Variants in ACBD5 observed in about 807,000 individuals in gnomAD.
ACBD5 encodes the protein acyl-CoA-binding domain-containing protein 5.
Under a neutral mutation model 71.8 loss-of-function variants are expected in ACBD5, and 40 were observed. The ratio of observed to expected loss-of-function variants is 0.56; its 90% confidence interval spans 0.43 to 0.72. The LOEUF (loss-of-function observed/expected upper bound fraction) is 0.72. Ranked by LOEUF, ACBD5 falls within the 30% of genes least tolerant of loss-of-function variation. The pLI, the probability that ACBD5 is intolerant of heterozygous loss-of-function variation, is 0.00. For synonymous variants in ACBD5, 229 were observed against 218.6 expected (o/e 1.05, Z -0.42); for missense variants, 559 against 644.5 (o/e 0.87, Z 1.44).
At chr10:27,207,359 T>A (rs1259465494) in intron 10 of ACBD5, among the ~76,000 whole-genome samples, 1 of 152,032 alleles carries the variant, frequency 6.6e-6, no homozygotes, top group Admixed American at 6.6e-5. Flanking sequence ...TTTAAAAACA[T>A]GATAGCTTGA....
At chr10:27,201,531 G>A (rs2059929448) in intron 12 of ACBD5, among the ~76,000 whole-genome samples, 2 of 152,208 alleles carry the variant, frequency 1.3e-5, no homozygotes, top group South Asian at 4.1e-4. Context: ...GCTTGAGTGT[G>A]CTGGCTCATG....
At chr10:27,220,632 C>A (rs1270820933) in intron 5 of ACBD5, among the ~76,000 whole-genome samples, 2 of 152,172 alleles carry the variant, frequency 1.3e-5, no homozygotes, top group East Asian at 3.8e-4. Flanking sequence ...AAATGATCTG[C>A]AAATTCACTG....
downstream of ACBD5, among the ~76,000 whole-genome samples, chr10:27,192,512 T>C (rs928000447): frequency 6.6e-6 from 1 of 152,052 alleles, no homozygotes; most frequent in African/African-American, 2.4e-5. Context: ...GCAATGGGCA[T>C]AGCTGGGTGT....
rs1433206822 is a variant in ACBD5 at position 27,210,858 on chromosome 10, C to T, written c.1160G>A (p.Arg387Gln). 11 of 1,614,206 alleles carry T rather than the reference C, an allele frequency of 6.8e-6. No homozygotes were observed. Among genetic ancestry groups the T allele is most frequent in the East Asian group, 6.7e-5 (3 of 44,892 alleles). Residue 387 changes from arginine to glutamine, a missense_variant, in exon 9 of 13, where the codon CGA (arginine) becomes CAA (glutamine). Transcript: ENST00000396271. Reference sequence around the variant, plus strand: ...AGAGAATTCGTCAGTTTCTCCGCCTCGCTTCTCCCGGTGTGGTGCTCCGCT... The same window carrying T: ...AGAGAATTCGTCAGTTTCTCCGCCTTGCTTCTCCCGGTGTGGTGCTCCGCT... ...NNSGAPHREK[R>Q]GGETDEFSNV...
chr10:27,197,241 T>C lies in ACBD5; in HGVS notation c.*189A>G. The C allele has an allele frequency of 1.5e-6, 1 of 686,814 alleles. No homozygotes were observed. The highest frequency in any genetic ancestry group is 2.7e-6 in the Non-Finnish European group (1 of 369,232). The allele number at this position is 686,814 out of a possible 1,614,324, so 42.5% of individuals were successfully genotyped here. A position where few individuals can be genotyped will look rare whatever the true frequency, so the allele number is the denominator to read the frequency against. ...TTGATTATTCAAGTATCAGCAATAT[T>C]AGTCCTTAAAATGTTATCGTTTGTG... On this transcript the variant is annotated 3_prime_UTR_variant, in exon 13 of 13. Coordinates refer to ENST00000396271, the MANE Select transcript of ACBD5 (RefSeq NM_145698.5).
chr10:27,232,668 T>C (rs2138200225), intron 3 of ACBD5, among the ~76,000 whole-genome samples: 1 of 152,276 alleles, frequency 6.6e-6, no homozygotes, highest in Admixed American at 6.5e-5. Flanking sequence ...TAACAGGTTC[T>C]ATTAATTTAA....
At chr10:27,227,743 C>T (rs7894938) in intron 4 of ACBD5, among the ~76,000 whole-genome samples, 47 of 152,168 alleles carry the variant, frequency 3.1e-4, no homozygotes, top group African/African-American at 8.7e-4. Flanking sequence ...GACAGAGTCT[C>T]GCTCTGTTGC....
At chr10:27,189,496 G>A (rs951076173) in intron 13 of ACBD5, among the ~76,000 whole-genome samples, 2 of 151,970 alleles carry the variant, frequency 1.3e-5, no homozygotes, top group African/African-American at 4.8e-5. Flanking sequence ...TTTAAAAACC[G>A]TCATTCTCAG....
At chr10:27,231,359 A>G (rs570927964) in intron 4 of ACBD5, among the ~76,000 whole-genome samples, 1 of 152,328 alleles carries the variant, frequency 6.6e-6, no homozygotes, top group South Asian at 2.1e-4. Context: ...TCTGCTAAAA[A>G]TACAAAAATT....
At chr10:27,219,009 T>C (rs16927640) in intron 6 of ACBD5, among the ~76,000 whole-genome samples, 10,519 of 152,194 alleles carry the variant, frequency 0.069, 697 homozygotes, top group African/African-American at 0.17. Flanking sequence ...TCATGAAAAT[T>C]TATGCCTGTA....
At chr10:27,183,046 T>TA (rs1242414745) in intron 13 of ACBD5, among the ~76,000 whole-genome samples, 1 of 152,174 alleles carries the variant, frequency 6.6e-6, no homozygotes, top group East Asian at 1.9e-4. Context: ...CTGTCATTTT[T>TA]AAAAACAAAT....
At chr10:27,188,298 A>G (rs1270653117) in intron 13 of ACBD5, among the ~76,000 whole-genome samples, 1 of 152,260 alleles carries the variant, frequency 6.6e-6, no homozygotes, top group African/African-American at 2.4e-5. Context: ...AGGCAAAAGC[A>G]TAGAATTATC....
downstream of ACBD5, among the ~76,000 whole-genome samples, chr10:27,192,531 G>T (rs1300272944): frequency 6.6e-6 from 1 of 152,134 alleles, no homozygotes; most frequent in African/African-American, 2.4e-5. Flanking sequence ...GTTCCATTTA[G>T]CAGCCTCACC....
chr10:27,240,294 T>A lies in ACBD5; in HGVS notation c.181+25A>T, dbSNP rs762160432. ...TTTGGGGCTCTCTGCAGGAGGCGTC[T>A]ACAGCCGGGGCCCAGCGCACGTACC... is the stretch of plus-strand genomic sequence containing the variant. On this transcript the variant is annotated intron_variant, in intron 2 of 12. Coordinates refer to ENST00000396271, the MANE Select transcript of ACBD5 (RefSeq NM_145698.5). The surrounding 1 kb of genome is among the most constrained non-coding windows in gnomAD (Gnocchi z 4.1). 1 of 1,614,008 alleles carries A rather than the reference T, an allele frequency of 6.2e-7. No homozygotes were observed. Among genetic ancestry groups the A allele is most frequent in the South Asian group, 1.1e-5 (1 of 91,076 alleles).
chr10:27,193,115 G>C (rs1456772962), downstream of ACBD5, among the ~76,000 whole-genome samples: 1 of 778 alleles, frequency 1.3e-3, no homozygotes, highest in African/African-American at 0.011. Context: ...TCCTTCCTTC[G>C]TGTGTGTGTG....
At chr10:27,234,491 T>TA (rs57102773) in intron 3 of ACBD5, among the ~76,000 whole-genome samples, 23,209 of 135,668 alleles carry the variant, frequency 0.17, 2,355 homozygotes, top group East Asian at 0.31. Context: ...GCTCTTGCCT[T>TA]AAAAAAAAAA....
At chr10:27,187,218 G>T (rs7079339) in intron 13 of ACBD5, among the ~76,000 whole-genome samples, 15,727 of 151,642 alleles carry the variant, frequency 0.1, 2,683 homozygotes, top group African/African-American at 0.36. Context: ...GAGAATCGCT[G>T]GAACCCAGGA....
chr10:27,240,597 G>C lies in ACBD5; in HGVS notation c.15+77C>G. On this transcript the variant is annotated intron_variant, in intron 1 of 12. Transcript: ENST00000396271. The surrounding 1 kb of genome is among the most constrained non-coding windows in gnomAD (Gnocchi z 4.1). ...CTATCCAGGCCACACAGATCGAAGCGGCCCGGCTCCTTCCTCCTCCCCCGG... is the reference window on the plus strand; with the variant it reads ...CTATCCAGGCCACACAGATCGAAGCCGCCCGGCTCCTTCCTCCTCCCCCGG... 6.4e-7 allele frequency: 1 copy of C among 1,551,096 alleles called. No homozygotes were observed. The highest frequency in any genetic ancestry group is 8.7e-7 in the Non-Finnish European group (1 of 1,146,938).
intron 4 of ACBD5, among the ~76,000 whole-genome samples, chr10:27,229,704 T>G (rs1335253672): frequency 2.0e-5 from 3 of 152,220 alleles, no homozygotes; most frequent in African/African-American, 7.2e-5. Context: ...CGCAATTTTA[T>G]TAACTGATAG....
Sources: allele counts gnomAD v4.1 joint callset (sites outside exome capture counted in the v4.1 genomes callset), GRCh38; gene constraint gnomAD v4.1.1; non-coding constraint Gnocchi (gnomAD v3.1); transcripts MANE v1.5; gene names NCBI Gene and HGNC (gene_info 2026-07-23, HGNC 2026-07-21).